Variants in PDGFD observed in about 807,000 individuals in gnomAD.
PDGFD encodes platelet-derived growth factor D.
PDGFD carries 30 observed loss-of-function variants against 44.7 expected under a neutral mutation model. The ratio of observed to expected loss-of-function variants is 0.67; its 90% CI spans 0.50 to 0.91. The LOEUF (loss-of-function observed/expected upper bound fraction) is 0.91, where lower values mean the gene tolerates loss of function less well. Among genes scored for constraint, PDGFD ranks in the 40% least tolerant of loss-of-function variants. The pLI, the probability that PDGFD is intolerant of heterozygous loss-of-function variation, is 0.00. For synonymous variants in PDGFD, 173 were observed against 168.4 expected (o/e 1.03, Z -0.21); for missense variants, 445 against 457.8 (o/e 0.97, Z 0.25).
At chr11:104,037,527 C>G (rs1160311267) in intron 1 of PDGFD, 1 of 1,614,092 alleles carries the variant, frequency 6.2e-7, no homozygotes, top group South Asian at 1.1e-5. Flanking sequence ...AAGAGGCCCC[C>G]GAGAGTTTTG....
chr11:104,112,494 C>G (rs1477008442), intron 1 of PDGFD, among the ~76,000 whole-genome samples: 1 of 151,978 alleles, frequency 6.6e-6, no homozygotes, highest in Non-Finnish European at 1.5e-5. Context: ...ACAGAAATAC[C>G]ATTTGACCAA....
intron 3 of PDGFD, among the ~76,000 whole-genome samples, chr11:103,977,007 G>C (rs1284745530): frequency 6.6e-6 from 1 of 152,018 alleles, no homozygotes; most frequent in Non-Finnish European, 1.5e-5. Flanking sequence ...TGATAAATGG[G>C]ATATCACCAC....
In PDGFD at chr11:103,944,948, T is replaced by A. The variant is rs187603657; in HGVS notation, c.574-1298A>T. Reference sequence around the variant, plus strand: ...CGATGAATGTGTCAGGCCAGCTCCATTTTTTTTTTCTTTTACAAGAAACCA... The same window carrying A: ...CGATGAATGTGTCAGGCCAGCTCCAATTTTTTTTTCTTTTACAAGAAACCA... On this transcript the variant is annotated intron_variant, in intron 4 of 6. Coordinates refer to ENST00000393158, the MANE Select transcript of PDGFD (RefSeq NM_025208.5). 6.3e-3 allele frequency among the ~76,000 whole-genome samples: 939 copies of A among 149,486 alleles called. 10 individuals carry two copies. The highest frequency in any genetic ancestry group is 0.022 in the African/African-American group (891 of 40,528).
chr11:104,071,243 CATA>C (rs1860871135), intron 1 of PDGFD, among the ~76,000 whole-genome samples: 1 of 151,792 alleles, frequency 6.6e-6, no homozygotes, highest in Non-Finnish European at 1.5e-5. Flanking sequence ...AATGGTATGT[CATA>C]ATAACTTTAA....
At chr11:104,113,015 C>G (rs1301156959) in intron 1 of PDGFD, among the ~76,000 whole-genome samples, 10 of 151,952 alleles carry the variant, frequency 6.6e-5, no homozygotes, top group Non-Finnish European at 1.2e-4. Context: ...TGCACATGTA[C>G]TCCTGAACTT....
chr11:104,078,211 T>G (rs1410855882), intron 1 of PDGFD, among the ~76,000 whole-genome samples: 1 of 152,188 alleles, frequency 6.6e-6, no homozygotes, highest in Non-Finnish European at 1.5e-5. Context: ...TTAAGGGTTG[T>G]GTAATGGGAA....
intron 3 of PDGFD, among the ~76,000 whole-genome samples, chr11:103,986,589 C>T: frequency 6.6e-6 from 1 of 152,154 alleles, no homozygotes; most frequent in East Asian, 1.9e-4. Flanking sequence ...GAGATCTGAC[C>T]TAACCGACTC....
At chr11:103,976,214 C>T (rs1430803408) in intron 3 of PDGFD, among the ~76,000 whole-genome samples, 1 of 150,514 alleles carries the variant, frequency 6.6e-6, no homozygotes, top group Non-Finnish European at 1.5e-5. Context: ...TCCTTCACAT[C>T]CGTTGTAAGT....
intron 3 of PDGFD, among the ~76,000 whole-genome samples, chr11:103,973,055 T>A (rs969346461): frequency 6.6e-6 from 1 of 151,958 alleles, no homozygotes; most frequent in Non-Finnish European, 1.5e-5. Flanking sequence ...ATTTTAGGGG[T>A]AGACTAACAT....
intron 3 of PDGFD, among the ~76,000 whole-genome samples, chr11:103,986,376 T>C (rs1240624572): frequency 3.3e-5 from 5 of 152,176 alleles, no homozygotes; most frequent in Admixed American, 1.3e-4. Context: ...AGATACCTGA[T>C]TGAAAAACTT....
intron 3 of PDGFD, among the ~76,000 whole-genome samples, chr11:103,953,218 T>TATACATACAAAATGTA (rs759070859): frequency 6.6e-6 from 1 of 151,942 alleles, no homozygotes; most frequent in Non-Finnish European, 1.5e-5. Flanking sequence ...ATACAAAATG[T>TATACATACAAAATGTA]TATATAAATC....
At chr11:103,999,199 C>T (rs1472302417) in intron 2 of PDGFD, among the ~76,000 whole-genome samples, 1 of 151,944 alleles carries the variant, frequency 6.6e-6, no homozygotes, top group Admixed American at 6.6e-5. Flanking sequence ...AGAGGACAAC[C>T]AAATTTGAGG....
At chr11:104,131,680 G>A (rs1324871360) in intron 1 of PDGFD, among the ~76,000 whole-genome samples, 1 of 151,730 alleles carries the variant, frequency 6.6e-6, no homozygotes, top group African/African-American at 2.4e-5. Context: ...TGGCATTTCT[G>A]GTCTAGCAAT....
chr11:104,047,437 C>T (rs924826174), intron 1 of PDGFD, among the ~76,000 whole-genome samples: 6 of 147,236 alleles, frequency 4.1e-5, no homozygotes, highest in African/African-American at 1.5e-4. Flanking sequence ...GCCATTCTAA[C>T]TGGCATGAGA....
At chr11:103,992,697 G>A (rs1365728203) in intron 3 of PDGFD, among the ~76,000 whole-genome samples, 1 of 152,164 alleles carries the variant, frequency 6.6e-6, no homozygotes, top group Non-Finnish European at 1.5e-5. Flanking sequence ...TGTGATATAA[G>A]CATCAATCCC....
chr11:103,984,812 A>C (rs1441363334), intron 3 of PDGFD, among the ~76,000 whole-genome samples: 2 of 141,884 alleles, frequency 1.4e-5, no homozygotes, highest in African/African-American at 5.4e-5. Flanking sequence ...TAATATATTT[A>C]TATTTATTTA....
rs374781756 is a variant in PDGFD, at chr11:103,909,400, A to AAAC, written c.*293_*294insGTT. ...GTACCTGGTTATATATACCAAAAAAAACATTTGATCTATATACACATAGAC... is the reference window on the plus strand; with the variant it reads ...GTACCTGGTTATATATACCAAAAAAAAACACATTTGATCTATATACACATAGAC... On this transcript the variant is annotated 3_prime_UTR_variant, in exon 7 of 7. Coordinates refer to ENST00000393158, the MANE Select transcript of PDGFD (RefSeq NM_025208.5). 4.2e-6 allele frequency: 1 copy of AAAC among 238,918 alleles called. No homozygotes were observed. Among genetic ancestry groups the AAAC allele is most frequent in the Non-Finnish European group, 8.2e-6 (1 of 121,822 alleles). 14.8% of individuals were successfully genotyped at this position (238,918 alleles called of 1,614,324 possible).
intron 1 of PDGFD, among the ~76,000 whole-genome samples, chr11:104,055,852 A>G (rs1051091904): frequency 6.6e-6 from 1 of 152,172 alleles, no homozygotes; most frequent in Non-Finnish European, 1.5e-5. Context: ...CCTCATTTAG[A>G]TGTGCTTCCT....
At chr11:104,056,533 G>A (rs537386064) in intron 1 of PDGFD, among the ~76,000 whole-genome samples, 20 of 152,024 alleles carry the variant, frequency 1.3e-4, no homozygotes, top group Non-Finnish European at 2.2e-4. Flanking sequence ...AAGGCCATGT[G>A]AGGATAGAAG....
Sources: allele counts gnomAD v4.1 joint callset (sites outside exome capture counted in the v4.1 genomes callset), GRCh38; gene constraint gnomAD v4.1.1; transcripts MANE v1.5; gene names NCBI Gene and HGNC (gene_info 2026-07-23, HGNC 2026-07-21).